ANKRD35: variants seen among roughly 807,000 people sequenced by gnomAD.
The protein encoded by ANKRD35 is ankyrin repeat domain-containing protein 35.
In ANKRD35, 102 loss-of-function variants were observed where a neutral mutation model predicts 109.9. The ratio of observed to expected loss-of-function variants is 0.93; its 90% CI spans 0.79 to 1.09. The LOEUF (loss-of-function observed/expected upper bound fraction) is 1.09, where lower values mean the gene tolerates loss of function less well. ANKRD35 is among the 50% of genes least tolerant of loss of function. ANKRD35 has a pLI of 0.00. For missense variants in ANKRD35, 1,240 were observed against 1,230.1 expected (o/e 1.01, Z -0.12); for synonymous variants, 515 against 512.4 (o/e 1.01, Z -0.07).
In ANKRD35 at chr1:145,877,731, C is replaced by A. The variant is rs587643656; in HGVS notation, c.324+237G>T. Among the ~76,000 whole-genome samples the A allele has an allele frequency of 2.6e-5, 4 of 152,300 alleles. No homozygotes were observed. The East Asian group carries it at 5.8e-4, about 22-fold the overall frequency. Reference sequence around the variant, plus strand: ...GTCTCTGCAGTGGCTCTGCTAATGACAAAATCGATAGTGCCTGGCAACTCT... The same window carrying A: ...GTCTCTGCAGTGGCTCTGCTAATGAAAAAATCGATAGTGCCTGGCAACTCT... On this transcript the variant is annotated intron_variant, in intron 4 of 13. Coordinates refer to ENST00000355594, the MANE Select transcript of ANKRD35 (RefSeq NM_144698.5).
chr1:145,869,811 A>G (rs1553738285), intron 10 of ANKRD35, among the ~76,000 whole-genome samples: 2 of 152,158 alleles, frequency 1.3e-5, no homozygotes, highest in Non-Finnish European at 2.9e-5. Context: ...TAAAGAGACT[A>G]AATTAAGTAA....
rs146579958 is a variant in ANKRD35 at position 145,868,328 on chromosome 1, G to A, written c.2860C>T (p.Leu954Phe). 1.2e-6 allele frequency: 2 copies of A among 1,614,036 alleles called. No homozygotes were observed. The highest frequency in any genetic ancestry group is 1.7e-6 in the Non-Finnish European group (2 of 1,180,040). ...VLAIRGENARLALQLQDSQKN... is the reference protein window; with the variant it reads ...VLAIRGENARFALQLQDSQKN... ...AAACATACCTGCAGCTGCAGGGCAA[G>A]GCGAGCATTTTCTCCCCGAATTGCT... is the stretch of plus-strand genomic sequence containing the variant. Residue 954 changes from leucine to phenylalanine, a missense_variant, in exon 11 of 14, where the codon CTT (leucine) becomes TTT (phenylalanine). By Grantham distance (22) the Leu-to-Phe change is conservative (BLOSUM62 0). Transcript: ENST00000355594.
At chr1:145,885,659 G>A in intron 1 of ANKRD35, 61 bp downstream of exon 1, 1 of 1,564,438 alleles carries the variant, frequency 6.4e-7, no homozygotes, top group Non-Finnish European at 8.8e-7. Context: ...CGGGACTAAA[G>A]ACTTCTGTCA....
intron 4 of ANKRD35, among the ~76,000 whole-genome samples, chr1:145,877,109 T>G (rs1016125905): frequency 6.6e-6 from 1 of 152,196 alleles, no homozygotes; most frequent in Non-Finnish European, 1.5e-5. Context: ...ATAAACGTGT[T>G]AGGGAAAATG....
Position 145,872,545 on chromosome 1 carries a change from C to G in ANKRD35, c.2224G>C (p.Glu742Gln), listed in dbSNP as rs918007007. 3.1e-6 allele frequency: 5 copies of G among 1,607,972 alleles called. No homozygotes were observed. The highest frequency in any genetic ancestry group is 2.2e-5 in the East Asian group (1 of 44,658). Reference protein sequence around the residue: ...CISTLVDRHREAQQVLARLQE... With the variant: ...CISTLVDRHRQAQQVLARLQE... ...AGCCGAGCCAGCACCTGCTGGGCCT[C>G]CCGGTGCCGATCCACCAGGGTGCTG... Residue 742 changes from glutamate (E) to glutamine (Q), a missense_variant, in exon 10 of 14, where the codon GAG (glutamate) becomes CAG (glutamine). Coordinates refer to ENST00000355594, the MANE Select transcript of ANKRD35 (RefSeq NM_144698.5).
intron 6 of ANKRD35, 72 bp from the exon 7 acceptor site, chr1:145,876,318 C>G: frequency 6.9e-7 from 1 of 1,443,778 alleles, no homozygotes; most frequent in Non-Finnish European, 9.6e-7. Context: ...ACCGGCTCCC[C>G]TCCCCTCACA....
chr1:145,868,158 G>T, intron 11 of ANKRD35, 102 bp from the exon 12 acceptor site: 1 of 1,466,518 alleles, frequency 6.8e-7, no homozygotes, highest in Admixed American at 1.7e-5. Context: ...GGGCTCGTTG[G>T]CCCATCACTG....
At chr1:145,876,762 C>T (rs1224316416) in intron 5 of ANKRD35, 54 bp downstream of exon 5, 4 of 1,613,158 alleles carry the variant, frequency 2.5e-6, no homozygotes, top group East Asian at 4.5e-5. Context: ...CACGCCTCCC[C>T]TTTCCCACCC....
chr1:145,882,940 TA>T (rs1654345811), intron 1 of ANKRD35, among the ~76,000 whole-genome samples: 2 of 152,088 alleles, frequency 1.3e-5, no homozygotes, highest in Non-Finnish European at 2.9e-5. Flanking sequence ...TGTGTACCTA[TA>T]AGCATCCTAC....
chr1:145,868,124 A>G (rs781818562), intron 11 of ANKRD35, 68 bp from the exon 12 acceptor site: 33 of 1,550,424 alleles, frequency 2.1e-5, no homozygotes, highest in Non-Finnish European at 2.8e-5. Flanking sequence ...GAGCAACACA[A>G]TGAAGTGGTC....
At chr1:145,879,188 T>G in intron 2 of ANKRD35, 70 bp downstream of exon 2, 1 of 1,446,088 alleles carries the variant, frequency 6.9e-7, no homozygotes, top group Non-Finnish European at 9.2e-7. Context: ...CCTGGTCCTA[T>G]GTTATATTGG....
rs1653943218 is a variant in ANKRD35 at position 145,873,692 on chromosome 1, G to T, written c.1077C>A (p.Gly359=). The change falls in exon 10 of 14, where the codon GGC becomes GGA. Residue 359 remains glycine, a synonymous_variant. Coordinates refer to ENST00000355594, the MANE Select transcript of ANKRD35 (RefSeq NM_144698.5). Reference sequence around the variant, plus strand: ...CATCCCCTCCAGGCCGGAGACTAGAGCCTTGCTTTCCTGAAGCTCTGGGCT... The same window carrying T: ...CATCCCCTCCAGGCCGGAGACTAGATCCTTGCTTTCCTGAAGCTCTGGGCT... ...SWEPRASGKQ[G]SSLRPGGDGM... is the part of the protein sequence containing the mutation. 6.2e-7 allele frequency: 1 copy of T among 1,614,112 alleles called. No homozygotes were observed. The highest frequency in any genetic ancestry group is 1.3e-5 in the African/African-American group (1 of 75,046).
Position 145,873,317 on chromosome 1 carries a change from G to T in ANKRD35, c.1452C>A (p.Gly484=). 2 of 1,614,146 alleles carry T rather than the reference G, an allele frequency of 1.2e-6. No homozygotes were observed. The highest frequency in any genetic ancestry group is 1.7e-6 in the Non-Finnish European group (2 of 1,180,012). The change falls in exon 10 of 14, where the codon GGC becomes GGA. Residue 484 remains glycine (G), a synonymous_variant. Transcript: ENST00000355594. ...EPGGTVAEPV[G]PAAMNQLLLQ... ...GCAGAAGCTGGTTCATGGCTGCTGG[G>T]CCCACTGGTTCAGCCACTGTGCCTC...
chr1:145,877,054 C>A (rs1654108019), intron 4 of ANKRD35, among the ~76,000 whole-genome samples, 181 bp from the exon 5 acceptor site: 1 of 152,178 alleles, frequency 6.6e-6, no homozygotes, highest in Non-Finnish European at 1.5e-5. Context: ...CCTTGAATAT[C>A]AGCCCTGGTT....
chr1:145,879,970 C>T (rs1393674054), intron 1 of ANKRD35, among the ~76,000 whole-genome samples: 4 of 152,180 alleles, frequency 2.6e-5, no homozygotes, highest in African/African-American at 7.2e-5. Flanking sequence ...AAAGAGGAAA[C>T]TAGAGTTTCT....
At chr1:145,879,415 A>C in intron 1 of ANKRD35, 27 bp from the exon 2 acceptor site, 2 of 1,504,382 alleles carry the variant, frequency 1.3e-6, no homozygotes, top group South Asian at 1.3e-5. Context: ...GGTTGTGTGA[A>C]TATAGGGCAT....
intron 7 of ANKRD35, among the ~76,000 whole-genome samples, chr1:145,875,849 G>A (rs1397462854): frequency 1.3e-5 from 2 of 151,946 alleles, no homozygotes; most frequent in Admixed American, 6.6e-5. Flanking sequence ...ATTTTTTATT[G>A]GAAAAAAGGA....
At position 145,873,977 on chromosome 1, in the gene ANKRD35, T is replaced by A. The variant is rs782030022; in HGVS notation, c.792A>T (p.Pro264=). The A allele has an allele frequency of 9.3e-6, 15 of 1,613,920 alleles. No homozygotes were observed. The highest frequency in any genetic ancestry group is 1.2e-5 in the Non-Finnish European group (14 of 1,179,958). Residue 264 remains proline, a synonymous_variant, in exon 10 of 14, where the codon CCA becomes CCT. Transcript: ENST00000355594. ...GAGGAGAACCTGCCTGGGGCTCAGA[T>A]GGAGAGGCCTATGTTGGAAACAGAA... ...QHPDLASQAS[P]SEPQAGSPPK... is the part of the protein sequence containing the mutation.
At chr1:145,885,105 A>G (rs587749572) in intron 1 of ANKRD35, among the ~76,000 whole-genome samples, 4 of 152,146 alleles carry the variant, frequency 2.6e-5, no homozygotes, top group Admixed American at 6.5e-5. Context: ...AAAGGTTTGG[A>G]GTGATGTTTG....
Sources: allele counts gnomAD v4.1 joint callset (sites outside exome capture counted in the v4.1 genomes callset), GRCh38; gene constraint gnomAD v4.1.1; transcripts MANE v1.5; gene names NCBI Gene and HGNC (gene_info 2026-07-23, HGNC 2026-07-21).